The following ZBTB4 variants were observed in gnomAD, a reference collection of about 807,000 sequenced individuals.
ZBTB4 encodes the protein zinc finger and BTB domain-containing protein 4.
Under a neutral mutation model 59.8 loss-of-function variants are expected in ZBTB4, and 14 were observed. The ratio of observed to expected loss-of-function variants is 0.23; its 90% CI spans 0.15 to 0.37. The LOEUF is 0.37. Among genes scored for constraint, ZBTB4 ranks in the 10% least tolerant of loss-of-function variants. ZBTB4 has a pLI of 1.00. For missense variants in ZBTB4, 1,198 were observed against 1,380.8 expected (o/e 0.87, Z 2.10); for synonymous variants, 587 against 575.2 (o/e 1.02, Z -0.29).
At chr17:7,483,346 G>A (rs904303437), upstream of ZBTB4, 3 of 359,180 alleles carry the variant, frequency 8.4e-6, no homozygotes, top group African/African-American at 4.2e-5. Context: ...GGAGTGTTCC[G>A]GCAAAGACAG....
intron 1 of ZBTB4, among the ~76,000 whole-genome samples, chr17:7,473,306 G>A (rs1203228674): frequency 1.3e-5 from 2 of 151,562 alleles, no homozygotes; most frequent in African/African-American, 2.4e-5. Flanking sequence ...TAGTAGAGAC[G>A]GGGTTTCACC....
At chr17:7,482,050 A>G (rs2070351357), upstream of ZBTB4, 1 of 1,613,436 alleles carries the variant, frequency 6.2e-7, no homozygotes, top group African/African-American at 1.3e-5. Context: ...CCTCCGCTCC[A>G]CCCAGCCTCC....
chr17:7,460,147 T>C lies in ZBTB4; in HGVS notation c.*1793A>G, dbSNP rs1384432698. Reference sequence around the variant, plus strand: ...TGTGTGTTTTTCCCCATTTGAAACCTTTCCCCCCCTTAAAAATTGGAACTT... The same window carrying C: ...TGTGTGTTTTTCCCCATTTGAAACCCTTCCCCCCCTTAAAAATTGGAACTT... On this transcript the variant is annotated 3_prime_UTR_variant, in exon 4 of 4. Coordinates refer to ENST00000380599, the MANE Select transcript of ZBTB4 (RefSeq NM_001128833.2). 6.6e-6 allele frequency: 1 copy of C among 152,598 alleles called. No individual in the cohort carries two copies. Among genetic ancestry groups the C allele is most frequent in the Non-Finnish European group, 1.5e-5 (1 of 68,026 alleles). 9.5% of individuals were successfully genotyped at this position (152,598 alleles called of 1,614,324 possible).
chr17:7,465,661 C>T (rs2150853932), intron 3 of ZBTB4, 50 bp downstream of exon 3: 1 of 1,547,696 alleles, frequency 6.5e-7, no homozygotes, highest in African/African-American at 1.4e-5. Flanking sequence ...GTTCCTATGA[C>T]CGCTGAGTGC....
Position 7,465,463 on chromosome 17 carries a change from C to CA in ZBTB4, c.1091+247dup, listed in dbSNP as rs71157289. The stretch of plus-strand genomic sequence containing the variant: ...TGGGCTACAGAGAGAGGCTCTGTCT[C>CA]AAAAAAAAAAAAAAAAAGAAAAAAA... On this transcript the variant is annotated intron_variant, in intron 3 of 3. Coordinates refer to ENST00000380599, the MANE Select transcript of ZBTB4 (RefSeq NM_001128833.2). Among the ~76,000 whole-genome samples the CA allele has an allele frequency of 9.7e-3, 798 of 82,660 alleles. 5 individuals carry two copies. Among genetic ancestry groups the CA allele is most frequent in the South Asian group, 0.022 (62 of 2,836 alleles). The allele number at this position is 82,660 out of a possible 152,430, so 54.2% of individuals were successfully genotyped here.
At position 7,463,537 on chromosome 17, in the gene ZBTB4, A is replaced by G. The variant is rs376718870; in HGVS notation, c.1445T>C (p.Ile482Thr). 8 of 1,584,754 alleles carry G rather than the reference A, an allele frequency of 5.0e-6. No homozygotes were observed. Among genetic ancestry groups the G allele is most frequent in the Non-Finnish European group, 6.9e-6 (8 of 1,165,918 alleles). ...ACCACTGCTACTGCCCCCATGGACAATGACAGAGGGGGCTGGGTGGGCAAA... is the reference window on the plus strand; with the variant it reads ...ACCACTGCTACTGCCCCCATGGACAGTGACAGAGGGGGCTGGGTGGGCAAA... ...ITFAHPAPSV[I>T]VHGGSSSGGG... The change falls in exon 4 of 4, where the codon ATT (isoleucine) becomes ACT (threonine). Residue 482 changes from isoleucine (I) to threonine (T), a missense_variant. By Grantham distance (89) the Ile-to-Thr change is moderately conservative. Around this residue, in one of 9 missense-constraint regions of ZBTB4, gnomAD observed 550 missense variants for 541.8 expected, o/e 1.02. Coordinates refer to ENST00000380599, the MANE Select transcript of ZBTB4 (RefSeq NM_001128833.2).
In ZBTB4 at chr17:7,465,994, C is replaced by G. The variant is rs756047872; in HGVS notation, c.808G>C (p.Ala270Pro). Residue 270 changes from alanine (A) to proline (P), a missense_variant, in exon 3 of 4, where the codon GCT (alanine) becomes CCT (proline). Physicochemically the swap from Ala to Pro is conservative, Grantham distance 27. Coordinates refer to ENST00000380599, the MANE Select transcript of ZBTB4 (RefSeq NM_001128833.2). ...GGACCACCAGGGCCAGCGCCCCCAG[C>G]TCCCAGCCCTGTAGACCCCCGCGTG... ...ASTRGSTGLGAGGAGPGGPAG... is the reference protein window; with the variant it reads ...ASTRGSTGLGPGGAGPGGPAG... 24 of 1,603,276 alleles carry G rather than the reference C, an allele frequency of 1.5e-5. No homozygotes were observed. The South Asian group carries it at 2.5e-4, about 17-fold the overall frequency.
Position 7,466,526 on chromosome 17 carries a change from CGAG to C in ZBTB4, c.273_275del (p.Ser100del), listed in dbSNP as rs768518136. On this transcript the variant is annotated inframe_deletion, in exon 3 of 4. Coordinates refer to ENST00000380599, the MANE Select transcript of ZBTB4 (RefSeq NM_001128833.2). This position sits in a 1 kb window ranked among gnomAD's most constrained non-coding sequence, Gnocchi z 9.1. ...CAGAGGAGGAAGAAGAGGAAGAAGA[CGAG>C]GAAGAGGAGGAGGAGGAAGAGGCAG... 1.9e-6 allele frequency: 3 copies of C among 1,610,616 alleles called. No homozygotes were observed. The South Asian group carries it at 3.3e-5, about 18-fold the overall frequency.
At chr17:7,481,294 C>T (rs935121060), upstream of ZBTB4, 2 of 550,408 alleles carry the variant, frequency 3.6e-6, no homozygotes, top group Middle Eastern at 5.6e-4. Context: ...CACACCATTG[C>T]ACTCCAGCCT....
intron 3 of ZBTB4, among the ~76,000 whole-genome samples, chr17:7,465,127 G>A (rs1362794130): frequency 7.0e-6 from 1 of 142,214 alleles, no homozygotes; most frequent in Non-Finnish European, 1.5e-5. Context: ...CTGCACTCCA[G>A]CCTGGGCAAC....
At chr17:7,467,138 C>T in intron 2 of ZBTB4, 119 bp downstream of exon 2, 1 of 1,137,630 alleles carries the variant, frequency 8.8e-7, no homozygotes, top group Admixed American at 4.3e-5. Flanking sequence ...GGAGGAAGCT[C>T]CACAACTCCT....
rs150471906 is a variant in ZBTB4, at chr17:7,466,523, A to G, written c.279T>C (p.Ser93=). 6.2e-6 allele frequency: 10 copies of G among 1,611,280 alleles called. No individual in the cohort carries two copies. The highest frequency in any genetic ancestry group is 1.3e-5 in the African/African-American group (1 of 74,876). ...AAGCAGAGGAGGAAGAAGAGGAAGA[A>G]GACGAGGAAGAGGAGGAGGAGGAAG... ...AASSSSSSSS[S]SSSSSSSASS... is the part of the protein sequence containing the mutation. Residue 93 remains serine (S), a synonymous_variant, in exon 3 of 4, where the codon TCT becomes TCC. Transcript: ENST00000380599. This position sits in a 1 kb window ranked among gnomAD's most constrained non-coding sequence, Gnocchi z 9.1.
upstream of ZBTB4, chr17:7,482,834 G>A (rs371449489): frequency 2.4e-5 from 38 of 1,611,926 alleles, no homozygotes; most frequent in East Asian, 5.1e-4. Context: ...CCTGGTGTGC[G>A]CTGTCCTGCA....
chr17:7,462,503 A>G lies in ZBTB4; in HGVS notation c.2479T>C (p.Ser827Pro). 6.2e-7 allele frequency: 1 copy of G among 1,613,968 alleles called. No individual in the cohort carries two copies. The highest frequency in any genetic ancestry group is 8.5e-7 in the Non-Finnish European group (1 of 1,180,006). ...CTCCCGCCACCTGCCTCACCGCTGG[A>G]TGAGGAGACTTGCATCTCTTGGGGG... ...EAPQEMQVSS[S>P]SGEAGGGSTA... The change falls in exon 4 of 4, where the codon TCC becomes CCC. Residue 827 changes from serine (S) to proline (P), a missense_variant. Physicochemically the swap from Ser to Pro is moderately conservative, Grantham distance 74 (BLOSUM62 -1). Coordinates refer to ENST00000380599, the MANE Select transcript of ZBTB4 (RefSeq NM_001128833.2). The surrounding 1 kb of genome is among the most constrained non-coding windows in gnomAD (Gnocchi z 7.5).
chr17:7,463,026 C>G lies in ZBTB4; in HGVS notation c.1956G>C (p.Glu652Asp), dbSNP rs910781816. The G allele has an allele frequency of 1.2e-6, 2 of 1,607,162 alleles. No individual in the cohort carries two copies. Among genetic ancestry groups the G allele is most frequent in the Non-Finnish European group, 1.7e-6 (2 of 1,178,046 alleles). Residue 652 changes from glutamate (E) to aspartate (D), a missense_variant, in exon 4 of 4, where the codon GAG becomes GAC. Transcript: ENST00000380599. ...CCTCCCCACCAGCCTTTGATTCCTC[C>G]TCATCCTCCTCCTCCTCCTCTTCGT... ...EEDEEEEEED[E>D]EESKAGGEDQ...
chr17:7,462,411 C>A lies in ZBTB4; in HGVS notation c.2571G>T (p.Glu857Asp), dbSNP rs773608469. The change falls in exon 4 of 4, where the codon GAG becomes GAT. Residue 857 changes from glutamate (E) to aspartate (D), a missense_variant. Physicochemically the swap from Glu to Asp is conservative, Grantham distance 45. This residue lies in a region of ZBTB4 where 211 missense variants were observed against 236.1 expected (regional missense o/e 0.89). Coordinates refer to ENST00000380599, the MANE Select transcript of ZBTB4 (RefSeq NM_001128833.2). The surrounding 1 kb of genome is among the most constrained non-coding windows in gnomAD (Gnocchi z 7.5). Reference protein sequence around the residue: ...LQDPIISGGEEPPVVASGGSY... With the variant: ...LQDPIISGGEDPPVVASGGSY... ...TGCCCCCGCTTGCCACTACTGGGGG[C>A]TCCTCACCCCCTGAAATGATAGGGT... 6.2e-7 allele frequency: 1 copy of A among 1,613,950 alleles called. No homozygotes were observed. The highest frequency in any genetic ancestry group is 8.5e-7 in the Non-Finnish European group (1 of 1,180,000).
intron 1 of ZBTB4, among the ~76,000 whole-genome samples, chr17:7,471,371 G>C (rs1159597849): frequency 6.6e-6 from 1 of 152,128 alleles, no homozygotes; most frequent in Admixed American, 6.6e-5. Context: ...TACTTTTGTA[G>C]AGATGGGGTC....
upstream of ZBTB4, chr17:7,482,971 C>T: frequency 6.2e-7 from 1 of 1,611,868 alleles, no homozygotes; most frequent in Non-Finnish European, 8.5e-7. Context: ...GGAACCTCAG[C>T]TGTGAGAGGG....
At chr17:7,469,034 GC>G (rs2070164345) in intron 1 of ZBTB4, among the ~76,000 whole-genome samples, 2 of 152,124 alleles carry the variant, frequency 1.3e-5, no homozygotes, top group Admixed American at 6.5e-5. Context: ...ACAGGCTGAT[GC>G]CCAGGCCTCC....
Sources: allele counts gnomAD v4.1 joint callset (sites outside exome capture counted in the v4.1 genomes callset), GRCh38; gene constraint gnomAD v4.1.1; regional missense constraint gnomAD v4.1.1; non-coding constraint Gnocchi (gnomAD v3.1); transcripts MANE v1.5; gene names NCBI Gene and HGNC (gene_info 2026-07-23, HGNC 2026-07-21).